Variants in DIAPH2 observed in about 807,000 individuals in gnomAD.
DIAPH2 encodes diaphanous related formin 2, also known as protein diaphanous homolog 2.
In DIAPH2, 35 loss-of-function variants were observed where a neutral mutation model predicts 92.7. The ratio of observed to expected loss-of-function variants is 0.38; its 90% CI spans 0.29 to 0.50. The LOEUF (loss-of-function observed/expected upper bound fraction) is 0.50. Ranked by LOEUF, DIAPH2 falls within the 20% of genes least tolerant of loss-of-function variation. The pLI, the probability that DIAPH2 is intolerant of heterozygous loss-of-function variation, is 0.94. For synonymous variants in DIAPH2, 301 were observed against 280.4 expected (o/e 1.07, Z -0.73); for missense variants, 701 against 819.5 (o/e 0.86, Z 1.77).
At chrX:97,598,154 C>G (rs767254903) in intron 26 of DIAPH2, among the ~76,000 whole-genome samples, 2 of 111,728 alleles carry the variant, frequency 1.8e-5, no homozygotes, top group Non-Finnish European at 3.8e-5. Flanking sequence ...TGGGCGTCAT[C>G]ATCTCAAGGA....
chrX:97,560,169 G>A (rs1053673916), intron 26 of DIAPH2, among the ~76,000 whole-genome samples: 1 of 111,873 alleles, frequency 8.9e-6, no homozygotes. Context: ...TACATTTCTA[G>A]CATCTGTTTT....
chrX:97,509,077 C>T (rs1361650284), intron 26 of DIAPH2, among the ~76,000 whole-genome samples: 30 of 106,942 alleles, frequency 2.8e-4, no homozygotes, highest in Non-Finnish European at 5.2e-4. Flanking sequence ...GATGGAGTCT[C>T]GCTCTGTCGC....
At chrX:97,458,342 G>A (rs780450815) in intron 26 of DIAPH2, among the ~76,000 whole-genome samples, 2 of 95,271 alleles carry the variant, frequency 2.1e-5, no homozygotes, top group Admixed American at 1.2e-4. Flanking sequence ...GAGCTCAAGC[G>A]ATTCTCTCAC....
intron 25 of DIAPH2, among the ~76,000 whole-genome samples, chrX:97,421,834 C>T (rs1254707523): frequency 9.0e-6 from 1 of 110,975 alleles, no homozygotes; most frequent in African/African-American, 3.3e-5. Flanking sequence ...AAAATGATAT[C>T]CAAGCTCCTT....
Position 97,008,623 on chromosome X carries a change from G to A in DIAPH2, c.2050+43416G>A, listed in dbSNP as rs763544731. ...GTGATCTAAGTTTTTGGTCACTGCA[G>A]TCGTATCTTCACTAGGGGCATCCCA... On this transcript the variant is annotated intron_variant, in intron 17 of 26. Transcript: ENST00000324765. Among the ~76,000 whole-genome samples, 3 of 111,943 alleles carry A rather than the reference G, an allele frequency of 2.7e-5. No homozygotes were observed. In the East Asian group the frequency reaches 8.4e-4, roughly 31 times the overall value.
intron 17 of DIAPH2, among the ~76,000 whole-genome samples, chrX:97,001,781 C>G (rs758814369): frequency 8.1e-5 from 9 of 111,112 alleles, no homozygotes; most frequent in Non-Finnish European, 1.7e-4. Context: ...GGAAGAAGAT[C>G]CTAGAAACTT....
intron 3 of DIAPH2, among the ~76,000 whole-genome samples, chrX:96,756,607 G>T (rs1389760528): frequency 9.0e-6 from 1 of 111,461 alleles, no homozygotes; most frequent in Non-Finnish European, 1.9e-5. Context: ...GCAAGTTTTT[G>T]TATGGACATA....
intron 26 of DIAPH2, among the ~76,000 whole-genome samples, chrX:97,467,201 A>G (rs1461141119): frequency 8.9e-6 from 1 of 112,146 alleles, no homozygotes; most frequent in Non-Finnish European, 1.9e-5. Context: ...AGTCCATCAT[A>G]AAAGTGGTTT....
At chrX:96,836,127 GT>G (rs1472963867) in intron 4 of DIAPH2, among the ~76,000 whole-genome samples, 3 of 109,046 alleles carry the variant, frequency 2.8e-5, no homozygotes, top group Non-Finnish European at 5.7e-5. Flanking sequence ...ATTTACATAG[GT>G]TTTTGGAGAA....
intron 17 of DIAPH2, among the ~76,000 whole-genome samples, chrX:96,976,004 T>TCTCCCTCC (rs757806509): frequency 2.6e-4 from 25 of 94,664 alleles, no homozygotes; most frequent in African/African-American, 7.9e-4. Context: ...TCCTTCCCTC[T>TCTCCCTCC]CTCCCTCCCT....
intron 4 of DIAPH2, among the ~76,000 whole-genome samples, chrX:96,816,798 C>T (rs771786787): frequency 8.9e-6 from 1 of 111,961 alleles, no homozygotes; most frequent in Non-Finnish European, 1.9e-5. Context: ...GCACTATTTA[C>T]AATAGTGAAG....
intron 23 of DIAPH2, among the ~76,000 whole-genome samples, chrX:97,330,728 G>T (rs1480994384): frequency 1.8e-5 from 2 of 110,910 alleles, no homozygotes; most frequent in Non-Finnish European, 3.8e-5. Flanking sequence ...GGTCAGGATG[G>T]TCTTGAACTC....
At chrX:97,004,404 C>A (rs1185535615) in intron 17 of DIAPH2, among the ~76,000 whole-genome samples, 2 of 111,430 alleles carry the variant, frequency 1.8e-5, no homozygotes, top group East Asian at 5.6e-4. Flanking sequence ...GTAGCATAGG[C>A]ATTTTAACAA....
intron 26 of DIAPH2, among the ~76,000 whole-genome samples, chrX:97,446,254 G>C (rs1461406287): frequency 1.8e-5 from 2 of 111,463 alleles, no homozygotes; most frequent in Non-Finnish European, 3.8e-5. Flanking sequence ...ACTTTAAAAG[G>C]AAAAAATATC....
intron 17 of DIAPH2, among the ~76,000 whole-genome samples, chrX:96,970,797 T>C (rs2065923279): frequency 9.0e-6 from 1 of 111,509 alleles, no homozygotes; most frequent in East Asian, 2.8e-4. Context: ...GATTTGCTCT[T>C]GTTTTTCTGC....
At chrX:97,457,549 G>A (rs748840965) in intron 26 of DIAPH2, among the ~76,000 whole-genome samples, 1 of 111,816 alleles carries the variant, frequency 8.9e-6, no homozygotes, top group Admixed American at 9.5e-5. Context: ...CTGAGTGATC[G>A]TTTCAGTGTC....
chrX:97,259,989 C>T (rs763721300), intron 23 of DIAPH2, among the ~76,000 whole-genome samples: 78 of 111,544 alleles, frequency 7.0e-4, no homozygotes, highest in Non-Finnish European at 1.7e-4. Flanking sequence ...GTCACCACTC[C>T]GAGCTAATTT....
Position 96,982,266 on chromosome X carries a change from A to G in DIAPH2, c.2050+17059A>G, listed in dbSNP as rs150495863. Among the ~76,000 whole-genome samples the G allele has an allele frequency of 7.6e-3, 856 of 111,994 alleles. 7 individuals are homozygous for G. The highest frequency in any genetic ancestry group is 0.028 in the Middle Eastern group (6 of 218). ...ATCTGTTGATACTGGCTTAAGGATC[A>G]TTGGATGGCTGTTAATTAAATTAAT... On this transcript the variant is annotated intron_variant, in intron 17 of 26. Coordinates refer to ENST00000324765, the MANE Select transcript of DIAPH2 (RefSeq NM_006729.5).
At chrX:96,919,486 A>T (rs2065526982) in intron 9 of DIAPH2, among the ~76,000 whole-genome samples, 1 of 110,236 alleles carries the variant, frequency 9.1e-6, no homozygotes, top group South Asian at 3.8e-4. Context: ...AATTCTCTGA[A>T]TTTTTTTTTA....
Sources: gnomAD v4.1 joint callset for allele counts (sites outside exome capture counted in the v4.1 genomes callset) on GRCh38, gnomAD v4.1.1 for gene constraint, MANE v1.5 for transcripts, NCBI Gene and HGNC (gene_info 2026-07-23, HGNC 2026-07-21) for gene names.